TM7SF3: variants seen among roughly 807,000 people sequenced by gnomAD.
The protein encoded by TM7SF3 is seven span transmembrane protein.
A neutral mutation model predicts 65.5 loss-of-function variants in TM7SF3; 60 were observed. The observed-to-expected ratio is 0.92, with a 90% CI of 0.74 to 1.14. The LOEUF (loss-of-function observed/expected upper bound fraction) is 1.14, where lower values mean the gene tolerates loss of function less well. Ranked by LOEUF, TM7SF3 falls within the 50% of genes most tolerant of loss-of-function variation. TM7SF3 has a pLI of 0.00. For synonymous variants in TM7SF3, 264 were observed against 259.6 expected (o/e 1.02, Z -0.16); for missense variants, 623 against 684.8 (o/e 0.91, Z 1.01).
At position 26,976,276 on chromosome 12, in the gene TM7SF3, A is replaced by C; in HGVS notation, c.1271T>G (p.Met424Arg). Residue 424 changes from methionine to arginine, a missense_variant, in exon 10 of 12, where the codon ATG becomes AGG. Met to Arg is a moderately conservative substitution (Grantham distance 91). Transcript: ENST00000343028. ...AACACTTACTATTCTTAGGCAGCCC[A>C]TGAAAACTACTGGAATGAGGATAGC... ...CIAILIPVVF[M>R]GCLRILNILT... 1 of 1,612,802 alleles carries C rather than the reference A, an allele frequency of 6.2e-7. No individual in the cohort carries two copies. The highest frequency in any genetic ancestry group is 8.5e-7 in the Non-Finnish European group (1 of 1,178,806).
Position 26,972,251 on chromosome 12 carries a change from T to C in TM7SF3, c.*1714A>G, listed in dbSNP as rs901320411. The C allele has an allele frequency of 3.3e-5, 5 of 152,204 alleles. No homozygotes were observed. Among genetic ancestry groups the C allele is most frequent in the African/African-American group, 1.2e-4 (5 of 41,444 alleles). 9.4% of individuals were successfully genotyped at this position (152,204 alleles called of 1,614,324 possible). A position where few individuals can be genotyped will look rare whatever the true frequency, so the allele number is the denominator to read the frequency against. ...AAAGCAGCTCCTCTAAACACCTGAATCCTTTTTGACTCCATTCTCATCACT... is the reference window on the plus strand; with the variant it reads ...AAAGCAGCTCCTCTAAACACCTGAACCCTTTTTGACTCCATTCTCATCACT... On this transcript the variant is annotated 3_prime_UTR_variant, in exon 12 of 12. Transcript: ENST00000343028.
At chr12:27,002,895 T>G (rs931391418) in intron 2 of TM7SF3, among the ~76,000 whole-genome samples, 1 of 152,164 alleles carries the variant, frequency 6.6e-6, no homozygotes, top group Non-Finnish European at 1.5e-5. Flanking sequence ...ACATATATTC[T>G]CAGGTAAAAG....
In TM7SF3 at chr12:26,996,762, T is replaced by C; in HGVS notation, c.498A>G (p.Pro166=). The change falls in exon 4 of 12, where the codon CCA becomes CCG. Residue 166 remains proline, a synonymous_variant. Coordinates refer to ENST00000343028, the MANE Select transcript of TM7SF3 (RefSeq NM_016551.3). The part of the protein sequence containing the change: ...NFFETTIKFA[P]ANLGYARGVD... ...CGTACCTCGCATAGCCTAGGTTTGC[T>C]GGGGCAAACTTGATAGTCGTTTCAA... The C allele has an allele frequency of 6.2e-7, 1 of 1,613,322 alleles. No homozygotes were observed. The highest frequency in any genetic ancestry group is 8.5e-7 in the Non-Finnish European group (1 of 1,179,738).
intron 2 of TM7SF3, 103 bp downstream of exon 2, chr12:27,003,133 T>G: frequency 1.2e-6 from 1 of 821,824 alleles, no homozygotes; most frequent in East Asian, 2.7e-5. Context: ...CATAAGATCA[T>G]AAACATAAAA....
chr12:27,006,717 A>G (rs1941052453), intron 1 of TM7SF3, among the ~76,000 whole-genome samples: 1 of 152,256 alleles, frequency 6.6e-6, no homozygotes, highest in African/African-American at 2.4e-5. Context: ...ATGGAAAAAG[A>G]TATAAATATG....
chr12:26,988,139 A>C (rs1940180746), intron 6 of TM7SF3, among the ~76,000 whole-genome samples: 1 of 152,086 alleles, frequency 6.6e-6, no homozygotes, highest in Non-Finnish European at 1.5e-5. Flanking sequence ...GTGGGATCCT[A>C]AACTGAACCC....
chr12:26,978,729 T>A (rs530354439), intron 9 of TM7SF3: 1 of 145,398 alleles, frequency 6.9e-6, no homozygotes, highest in East Asian at 2.0e-4. Context: ...AGGTGTGCAC[T>A]ACAACACCTG....
intron 2 of TM7SF3, among the ~76,000 whole-genome samples, chr12:27,000,545 C>T (rs547775921): frequency 3.9e-5 from 6 of 152,206 alleles, no homozygotes; most frequent in African/African-American, 7.2e-5. Context: ...CTACAAGCTC[C>T]GCCTCCCGGG....
At position 26,996,831 on chromosome 12, in the gene TM7SF3, G is replaced by A. The variant is rs377262995; in HGVS notation, c.429C>T (p.Phe143=). The stretch of plus-strand genomic sequence containing the variant: ...AAATGTTGGGATCAATATCTAAATC[G>A]AACTCCAAATTACAGCCTCCAGGGA... The part of the protein sequence containing the change: ...DPVPGGCNLE[F]DLDIDPNIYL... Residue 143 remains phenylalanine, a synonymous_variant, in exon 4 of 12, where the codon TTC becomes TTT. Coordinates refer to ENST00000343028, the MANE Select transcript of TM7SF3 (RefSeq NM_016551.3). 12 of 1,612,464 alleles carry A rather than the reference G, an allele frequency of 7.4e-6. No homozygotes were observed. The highest frequency in any genetic ancestry group is 9.3e-6 in the Non-Finnish European group (11 of 1,179,506).
intron 11 of TM7SF3, among the ~76,000 whole-genome samples, chr12:26,974,727 T>C (rs989016741): frequency 7.9e-5 from 12 of 152,168 alleles, no homozygotes; most frequent in African/African-American, 2.9e-4. Context: ...TAGTAAAGCT[T>C]CTAGCTTGGC....
intron 6 of TM7SF3, among the ~76,000 whole-genome samples, chr12:26,989,190 C>A (rs990809203): frequency 6.6e-6 from 1 of 152,174 alleles, no homozygotes; most frequent in Non-Finnish European, 1.5e-5. Flanking sequence ...AATCCCAGCA[C>A]TTTGGGAGGC....
intron 1 of TM7SF3, chr12:27,012,864 G>A (rs894236224): frequency 8.0e-6 from 3 of 374,292 alleles, no homozygotes; most frequent in Non-Finnish European, 1.6e-5. Context: ...TGGGTGTGGT[G>A]GCGGGCGCCT....
At chr12:27,011,606 G>T (rs1300812792) in intron 1 of TM7SF3, among the ~76,000 whole-genome samples, 1 of 152,182 alleles carries the variant, frequency 6.6e-6, no homozygotes, top group African/African-American at 2.4e-5. Flanking sequence ...ATGGTTATCA[G>T]AATTATCATC....
In TM7SF3 at chr12:26,973,498, T is replaced by A. The variant is rs1939443608; in HGVS notation, c.*467A>T. 2.6e-5 allele frequency: 4 copies of A among 153,266 alleles called. No individual in the cohort carries two copies. Among genetic ancestry groups the A allele is most frequent in the Admixed American group, 6.5e-5 (1 of 15,360 alleles). 9.5% of individuals were successfully genotyped at this position (153,266 alleles called of 1,614,324 possible). On this transcript the variant is annotated 3_prime_UTR_variant, in exon 12 of 12. Transcript: ENST00000343028. ...TGCTTCTCTTTTTGTATTCTAAAAT[T>A]CAAAGGCCTAAGTATCAAATCCCTA...
At position 26,990,516 on chromosome 12, in the gene TM7SF3, C is replaced by T. The variant is rs145563912; in HGVS notation, c.802G>A (p.Ala268Thr). ...VWDPFLNTSAAYIPAHTYACS... is the reference protein window; with the variant it reads ...VWDPFLNTSATYIPAHTYACS... The stretch of plus-strand genomic sequence containing the variant: ...GCGTATGTGTGAGCAGGAATGTAGG[C>T]AGCAGATGTATTTAGAAACGGGTCC... Residue 268 changes from alanine (A) to threonine (T), a missense_variant, in exon 6 of 12, where the codon GCC becomes ACC. Coordinates refer to ENST00000343028, the MANE Select transcript of TM7SF3 (RefSeq NM_016551.3). The T allele has an allele frequency of 1.9e-6, 3 of 1,614,112 alleles. No individual in the cohort carries two copies. Among genetic ancestry groups the T allele is most frequent in the African/African-American group, 1.3e-5 (1 of 75,048 alleles).
At chr12:26,978,328 T>A (rs1437934709) in intron 9 of TM7SF3, 1 of 164,242 alleles carries the variant, frequency 6.1e-6, no homozygotes, top group Non-Finnish European at 1.3e-5. Flanking sequence ...TCCTCACATC[T>A]ATCCTATGAG....
chr12:26,978,251 A>G (rs1939657942), intron 9 of TM7SF3: 1 of 206,694 alleles, frequency 4.8e-6, no homozygotes, highest in African/African-American at 2.4e-5. Flanking sequence ...AAAAGTTTAG[A>G]GACAACTGCT....
intron 6 of TM7SF3, among the ~76,000 whole-genome samples, chr12:26,983,231 G>A (rs528266815): frequency 2.7e-5 from 4 of 150,576 alleles, no homozygotes; most frequent in Non-Finnish European, 4.4e-5. Context: ...GGCAGGGAGT[G>A]GGGGGGAGGT....
chr12:26,985,633 AAAAAAAAAAAAAAAAAAAAATATATATAT>A (rs1161372609), intron 6 of TM7SF3, among the ~76,000 whole-genome samples: 2 of 30,926 alleles, frequency 6.5e-5, no homozygotes, highest in Admixed American at 6.2e-4. Flanking sequence ...AAAAAAAAAA[AAAAAAAAAAAAAAAAAAAAATATATATAT>A]ATATATATAT....
Sources: gnomAD v4.1 joint callset for allele counts (sites outside exome capture counted in the v4.1 genomes callset) on GRCh38, gnomAD v4.1.1 for gene constraint, MANE v1.5 for transcripts, NCBI Gene and HGNC (gene_info 2026-07-23, HGNC 2026-07-21) for gene names.